MYOF: variants seen among roughly 807,000 people sequenced by gnomAD.
MYOF encodes myoferlin, also known as fer-1-like 3, myoferlin.
Under a neutral mutation model 284.2 loss-of-function variants are expected in MYOF, and 244 were observed. That is an observed-to-expected ratio of 0.86 (90% CI 0.77 to 0.95). The LOEUF is 0.95. MYOF is among the 40% of genes least tolerant of loss of function. The probability of loss-of-function intolerance (pLI) is 0.00; values close to 1 mark genes in which losing one functional copy is unlikely to be tolerated. For missense variants in MYOF, 2,496 were observed against 2,560.6 expected, an observed-to-expected ratio of 0.97 and a Z score of 0.54; for synonymous variants, 904 against 919.7, an observed-to-expected ratio of 0.98 and a Z score of 0.31.
chr10:93,369,310 A>G (rs57978381), intron 25 of MYOF, among the ~76,000 whole-genome samples: 36,470 of 151,456 alleles, frequency 0.24, 5,777 homozygotes, highest in East Asian at 0.86. Flanking sequence ...TCAGGAACCA[A>G]TAAGATTATT....
At position 93,463,368 on chromosome 10, in the gene MYOF, A is replaced by G. The variant is rs1589608735; in HGVS notation, c.89-6431T>C. Among the ~76,000 whole-genome samples the G allele has an allele frequency of 8.0e-5, 12 of 150,878 alleles. No individual in the cohort carries two copies. In the South Asian group the frequency reaches 2.3e-3, roughly 29 times the overall value. On this transcript the variant is annotated intron_variant, in intron 1 of 53. Transcript: ENST00000359263. Reference sequence around the variant, plus strand: ...CCAGGAGTTCAAGACCAGCCTGGGCAACATAGTGAGACTTCGTCTCTACAA... The same window carrying G: ...CCAGGAGTTCAAGACCAGCCTGGGCGACATAGTGAGACTTCGTCTCTACAA...
intron 30 of MYOF, among the ~76,000 whole-genome samples, chr10:93,356,208 C>A (rs954557028): frequency 6.6e-6 from 1 of 152,140 alleles, no homozygotes; most frequent in Admixed American, 6.5e-5. Flanking sequence ...CCTGCTTTTT[C>A]CCCCGACTTC....
At chr10:93,311,213 T>TG (rs1214963335) in intron 51 of MYOF, among the ~76,000 whole-genome samples, 6 of 152,184 alleles carry the variant, frequency 3.9e-5, no homozygotes, top group Non-Finnish European at 8.8e-5. Flanking sequence ...ATGTTCTACA[T>TG]GGGTTATCTC....
intron 43 of MYOF, among the ~76,000 whole-genome samples, chr10:93,332,717 G>A (rs1171996530): frequency 6.6e-6 from 1 of 151,976 alleles, no homozygotes; most frequent in Non-Finnish European, 1.5e-5. Context: ...CGTGGTGGCA[G>A]TTGCCTGTAG....
chr10:93,476,971 T>C (rs1420718883), intron 1 of MYOF, among the ~76,000 whole-genome samples: 1 of 152,082 alleles, frequency 6.6e-6, no homozygotes, highest in Non-Finnish European at 1.5e-5. Context: ...ATGGGGGATA[T>C]TGTAAGGAGA....
intron 3 of MYOF, among the ~76,000 whole-genome samples, chr10:93,437,176 T>C (rs963509641): frequency 6.6e-6 from 1 of 152,108 alleles, no homozygotes; most frequent in Non-Finnish European, 1.5e-5. Context: ...GAAAATGAGA[T>C]GTTATGATTG....
At chr10:93,340,072 T>A in intron 39 of MYOF, 81 bp downstream of exon 39, 2 of 1,474,882 alleles carry the variant, frequency 1.4e-6, no homozygotes, top group Non-Finnish European at 9.4e-7. Flanking sequence ...AGAGCGAGAC[T>A]CCTTCTCAAA....
At chr10:93,474,802 A>G (rs957198716) in intron 1 of MYOF, among the ~76,000 whole-genome samples, 2 of 149,686 alleles carry the variant, frequency 1.3e-5, no homozygotes, top group Admixed American at 1.3e-4. Flanking sequence ...GCTGGAGTGT[A>G]ATGGCGCCAT....
At chr10:93,363,779 T>C (rs2133936888) in intron 27 of MYOF, among the ~76,000 whole-genome samples, 182 bp downstream of exon 27, 1 of 152,382 alleles carries the variant, frequency 6.6e-6, no homozygotes, top group South Asian at 2.1e-4. Context: ...AGGCCTCATT[T>C]CTATTCTAAA....
intron 31 of MYOF, among the ~76,000 whole-genome samples, chr10:93,355,046 T>C (rs1421381400): frequency 6.6e-6 from 1 of 152,182 alleles, no homozygotes; most frequent in East Asian, 1.9e-4. Flanking sequence ...TTTTTTCCTA[T>C]AGTTAAAATT....
chr10:93,385,713 AT>A (rs1196432159), intron 19 of MYOF, among the ~76,000 whole-genome samples: 33 of 152,282 alleles, frequency 2.2e-4, no homozygotes, highest in African/African-American at 7.9e-4. Context: ...TATTTATTTA[AT>A]TAAAAAGATG....
At chr10:93,364,513 T>G (rs1027302708) in intron 26 of MYOF, among the ~76,000 whole-genome samples, 1 of 152,034 alleles carries the variant, frequency 6.6e-6, no homozygotes, top group Non-Finnish European at 1.5e-5. Flanking sequence ...GTGTAGACGG[T>G]CTCATGAAGC....
At chr10:93,361,368 C>G (rs1845062774) in intron 28 of MYOF, 84 bp downstream of exon 28, 2 of 1,317,914 alleles carry the variant, frequency 1.5e-6, no homozygotes, top group African/African-American at 1.5e-5. Context: ...AGAAGTGAGG[C>G]CCCTCCCTCC....
At chr10:93,334,078 T>G (rs1295440347) in intron 41 of MYOF, among the ~76,000 whole-genome samples, 165 bp from the exon 42 acceptor site, 1 of 151,948 alleles carries the variant, frequency 6.6e-6, no homozygotes, top group African/African-American at 2.4e-5. Flanking sequence ...GTAGGGAAAG[T>G]GAAATGATTC....
At chr10:93,457,174 C>T (rs2056764627) in intron 1 of MYOF, among the ~76,000 whole-genome samples, 1 of 152,182 alleles carries the variant, frequency 6.6e-6, no homozygotes, top group Non-Finnish European at 1.5e-5. Flanking sequence ...GATGTTCTGC[C>T]CTTCTCTCAC....
chr10:93,333,787 C>T lies in MYOF; in HGVS notation c.4690G>A (p.Glu1564Lys). ...CCATTGTTGTCCTGGGGCTGGAGCT[C>T]TAAGCCTCGAACAATGTAAATCCTA... ...TVRIYIVRGL[E>K]LQPQDNNGLC... The change falls in exon 42 of 54, where the codon GAG becomes AAG. Residue 1564 changes from glutamate (E) to lysine (K), a missense_variant. Coordinates refer to ENST00000359263, the MANE Select transcript of MYOF (RefSeq NM_013451.4). The T allele has an allele frequency of 6.2e-7, 1 of 1,614,204 alleles. No homozygotes were observed. The highest frequency in any genetic ancestry group is 2.2e-5 in the East Asian group (1 of 44,888).
chr10:93,359,974 C>T lies in MYOF; in HGVS notation c.2979G>A (p.Trp993Ter). The change falls in exon 29 of 54, where the codon TGG becomes TGA. Residue 993 changes from tryptophan to a stop codon, truncating the protein, a stop_gained. Transcript: ENST00000359263. LOFTEE classifies it high-confidence loss of function. ...DINRAVDEKG[W>*]EYGITIPPDH... ...CAGGAGGAATGGTGATTCCATATTC[C>T]CAGCCTGGAACAGAGTTTGTGAATG... is the stretch of plus-strand genomic sequence containing the variant. The T allele has an allele frequency of 6.2e-7, 1 of 1,614,090 alleles. No homozygotes were observed. Among genetic ancestry groups the T allele is most frequent in the Non-Finnish European group, 8.5e-7 (1 of 1,180,012 alleles).
chr10:93,373,092 A>G lies in MYOF; in HGVS notation c.2302-7T>C, dbSNP rs760135740. 3 of 1,614,150 alleles carry G rather than the reference A, an allele frequency of 1.9e-6. No individual in the cohort carries two copies. The highest frequency in any genetic ancestry group is 1.1e-5 in the South Asian group (1 of 91,084). On this transcript the variant is annotated splice_region_variant and splice_polypyrimidine_tract_variant and intron_variant, in intron 23 of 53. Coordinates refer to ENST00000359263, the MANE Select transcript of MYOF (RefSeq NM_013451.4). The stretch of plus-strand genomic sequence containing the variant: ...CAGGCATGCTGTTCTGTGGCTGGTC[A>G]TGAGGATTGGATGGAAGAGGAAGCA...
chr10:93,450,196 A>T (rs2056551406), intron 3 of MYOF, among the ~76,000 whole-genome samples: 1 of 152,196 alleles, frequency 6.6e-6, no homozygotes. Flanking sequence ...GTTCGAGAAC[A>T]GCCTGACCAA....
Sources: allele counts gnomAD v4.1 joint callset (sites outside exome capture counted in the v4.1 genomes callset), GRCh38; gene constraint gnomAD v4.1.1; transcripts MANE v1.5; gene names NCBI Gene and HGNC (gene_info 2026-07-23, HGNC 2026-07-21).